ANKDD1A: variants seen among roughly 807,000 people sequenced by gnomAD.
ANKDD1A encodes ankyrin repeat and death domain containing 1A, also known as ankyrin repeat and death domain-containing protein 1A.
A neutral mutation model predicts 63.5 loss-of-function variants in ANKDD1A; 59 were observed. The observed-to-expected ratio is 0.93, with a 90% confidence interval of 0.75 to 1.15. ANKDD1A has a LOEUF of 1.15. Among genes scored for constraint, ANKDD1A ranks in the 50% most tolerant of loss-of-function variants. The pLI is 0.00. For synonymous variants in ANKDD1A, 266 were observed against 263.9 expected, an observed-to-expected ratio of 1.01 and a Z score of -0.08; for missense variants, 632 against 656.4, an observed-to-expected ratio of 0.96 and a Z score of 0.41.
rs957049145 is a variant in ANKDD1A, at chr15:64,950,078, C to T, written c.1483+106C>T. 3 of 1,534,818 alleles carry T rather than the reference C, an allele frequency of 2.0e-6. No individual in the cohort carries two copies. The African/African-American group carries it at 4.1e-5, about 21-fold the overall frequency. On this transcript the variant is annotated intron_variant, in intron 14 of 14. Transcript: ENST00000319580. The stretch of plus-strand genomic sequence containing the variant: ...TCAGACAAGAATGCTGTGATGCTGG[C>T]TCTAGGCCTTCCAGATTCCTACCCC...
chr15:64,951,547 TTC>T (rs2085277046), intron 14 of ANKDD1A: 1 of 34,556 alleles, frequency 2.9e-5, no homozygotes, highest in African/African-American at 1.0e-4. Flanking sequence ...CTCTTCTTTC[TTC>T]TCTTCTTTCT....
Position 64,926,210 on chromosome 15 carries a change from G to A in ANKDD1A, c.471+40G>A, listed in dbSNP as rs150428985. The A allele has an allele frequency of 8.8e-6, 14 of 1,590,880 alleles. No individual in the cohort carries two copies. The East Asian group carries it at 1.8e-4, about 20-fold the overall frequency. ...GGGCTACTCATCATTCCCATTGGGC[G>A]GGGGGCTCCTGGGGCCACTCTTGCA... On this transcript the variant is annotated intron_variant, in intron 5 of 14. Coordinates refer to ENST00000319580, the MANE Select transcript of ANKDD1A (RefSeq NM_182703.6).
chr15:64,943,931 G>T (rs1300957749), intron 11 of ANKDD1A, among the ~76,000 whole-genome samples: 2 of 152,216 alleles, frequency 1.3e-5, no homozygotes, highest in African/African-American at 2.4e-5. Flanking sequence ...CCATATGTGG[G>T]ACAGGGTTTG....
At chr15:64,944,036 T>A (rs1205818902) in intron 11 of ANKDD1A, among the ~76,000 whole-genome samples, 1 of 151,798 alleles carries the variant, frequency 6.6e-6, no homozygotes, top group Non-Finnish European at 1.5e-5. Flanking sequence ...AGGTCACAGG[T>A]GTTTGAGGGG....
chr15:64,954,604 T>C (rs1408959689), intron 14 of ANKDD1A, among the ~76,000 whole-genome samples: 1 of 141,454 alleles, frequency 7.1e-6, no homozygotes, highest in Admixed American at 7.4e-5. Flanking sequence ...CTTCTCCTTC[T>C]TCCTCCTCCT....
chr15:64,921,863 G>T (rs2085008900), intron 3 of ANKDD1A, 58 bp from the exon 4 acceptor site: 1 of 1,500,820 alleles, frequency 6.7e-7, no homozygotes, highest in South Asian at 1.1e-5. Flanking sequence ...ACAGGGCCTG[G>T]CTGGCACAGC....
At chr15:64,938,833 T>A (rs2085156830) in intron 9 of ANKDD1A, among the ~76,000 whole-genome samples, 1 of 150,772 alleles carries the variant, frequency 6.6e-6, no homozygotes, top group Non-Finnish European at 1.5e-5. Flanking sequence ...TAATCCCAGC[T>A]ATTTGGGAGG....
At chr15:64,942,605 C>T (rs750497474) in intron 10 of ANKDD1A, 40 bp downstream of exon 10, 16 of 1,549,914 alleles carry the variant, frequency 1.0e-5, no homozygotes, top group Non-Finnish European at 1.3e-5. Flanking sequence ...CAGGGAGCTT[C>T]TGGAAACCCT....
In ANKDD1A at chr15:64,951,819, CTCT is replaced by C. The variant is rs200244008; in HGVS notation, c.1483+1853_1483+1855del. Among the ~76,000 whole-genome samples, 777 of 113,744 alleles carry C rather than the reference CTCT, an allele frequency of 6.8e-3. 9 individuals are homozygous for C. The highest frequency in any genetic ancestry group is 0.024 in the African/African-American group (716 of 29,462). The allele number at this position is 113,744 out of a possible 152,430, so 74.6% of individuals were successfully genotyped here. A position where few individuals can be genotyped will look rare whatever the true frequency, so the allele number is the denominator to read the frequency against. On this transcript the variant is annotated intron_variant, in intron 14 of 14. Coordinates refer to ENST00000319580, the MANE Select transcript of ANKDD1A (RefSeq NM_182703.6). Reference sequence around the variant, plus strand: ...TTCTTTCCTCTTTTCTTCTTTCTTCCTCTTCTTCATCCTTCTTATTCTTTCTTC... The same window carrying C: ...TTCTTTCCTCTTTTCTTCTTTCTTCCTCTTCATCCTTCTTATTCTTTCTTC...
At chr15:64,952,560 CCTTCGTTCTTCTTCTCCTT>C (rs2085312250) in intron 14 of ANKDD1A, among the ~76,000 whole-genome samples, 1 of 133,358 alleles carries the variant, frequency 7.5e-6, no homozygotes, top group African/African-American at 2.8e-5. Flanking sequence ...CCTTCCTTCT[CCTTCGTTCTTCTTCTCCTT>C]CTTTTCTTCT....
intron 14 of ANKDD1A, among the ~76,000 whole-genome samples, chr15:64,951,846 TCTTC>T (rs1237069592): frequency 8.2e-5 from 3 of 36,386 alleles, no homozygotes; most frequent in Admixed American, 5.1e-4. Context: ...TATTCTTTCT[TCTTC>T]TTTCTTCTTC....
At chr15:64,945,520 G>A (rs999965666) in intron 12 of ANKDD1A, among the ~76,000 whole-genome samples, 4 of 144,822 alleles carry the variant, frequency 2.8e-5, no homozygotes. Context: ...CCACTATAAA[G>A]TAATGTAAGT....
intron 4 of ANKDD1A, 74 bp from the exon 5 acceptor site, chr15:64,925,992 G>A: frequency 7.2e-7 from 1 of 1,385,870 alleles, no homozygotes; most frequent in Non-Finnish European, 1.0e-6. Context: ...AACACTCGCT[G>A]TTTGGGAGAC....
At chr15:64,953,637 C>T (rs1160305337) in intron 14 of ANKDD1A, among the ~76,000 whole-genome samples, 1 of 4,152 alleles carries the variant, frequency 2.4e-4, no homozygotes. Context: ...CTTCCTTCTT[C>T]TTCCTCTTCC....
In ANKDD1A at chr15:64,926,151, C is replaced by T. The variant is rs2085045032; in HGVS notation, c.452C>T (p.Ala151Val). The change falls in exon 5 of 15, where the codon GCC becomes GTC. Residue 151 changes from alanine (A) to valine (V), a missense_variant. Physicochemically the swap from Ala to Val is moderately conservative, Grantham distance 64. Transcript: ENST00000319580. Reference protein sequence around the residue: ...AFIMEDLEDVALDHVDKLGRT... With the variant: ...AFIMEDLEDVVLDHVDKLGRT... ...ATAATGGAGGACCTGGAGGATGTGG[C>T]CCTGGACCACGTAGACAAGGTGAGA... is the stretch of plus-strand genomic sequence containing the variant. 6.2e-7 allele frequency: 1 copy of T among 1,613,930 alleles called. No homozygotes were observed. The highest frequency in any genetic ancestry group is 1.3e-5 in the African/African-American group (1 of 75,034).
intron 1 of ANKDD1A, 75 bp downstream of exon 1, chr15:64,912,039 G>T: frequency 8.2e-7 from 1 of 1,224,176 alleles, no homozygotes. Flanking sequence ...GGAGTGCCAG[G>T]GGTGAGGTTG....
At chr15:64,937,667 G>T (rs1175148702) in intron 9 of ANKDD1A, among the ~76,000 whole-genome samples, 2 of 152,168 alleles carry the variant, frequency 1.3e-5, no homozygotes, top group African/African-American at 2.4e-5. Context: ...AGCAGAGGTT[G>T]CAGTGAGCTG....
At chr15:64,954,436 G>T (rs111067745) in intron 14 of ANKDD1A, among the ~76,000 whole-genome samples, 130,188 of 143,002 alleles carry the variant, frequency 0.91, 59,996 homozygotes, top group East Asian at 0.99. Flanking sequence ...TTCGTTCGTC[G>T]TCTTCTCCTT....
At chr15:64,952,832 TCCTTTCTTCTCCTTGTCTCTTCTC>T (rs2085322067) in intron 14 of ANKDD1A, among the ~76,000 whole-genome samples, 3 of 123,842 alleles carry the variant, frequency 2.4e-5, no homozygotes, top group African/African-American at 2.9e-5. Flanking sequence ...TCCTCCTTCT[TCCTTTCTTCTCCTTGTCTCTTCTC>T]CTTCTTCTTT....
Sources: allele counts gnomAD v4.1 joint callset (sites outside exome capture counted in the v4.1 genomes callset), GRCh38; gene constraint gnomAD v4.1.1; transcripts MANE v1.5; gene names NCBI Gene and HGNC (gene_info 2026-07-23, HGNC 2026-07-21).